LRP6: variants seen among roughly 807,000 people sequenced by gnomAD.
The protein encoded by LRP6 is low-density lipoprotein receptor-related protein 6.
In LRP6, 43 loss-of-function variants were observed where a neutral mutation model predicts 184.1. The ratio of observed to expected loss-of-function variants is 0.23; its 90% CI spans 0.18 to 0.30. The LOEUF is 0.30. LRP6 is among the 10% of genes least tolerant of loss of function. The pLI is 1.00. For synonymous variants in LRP6, 719 were observed against 684.9 expected (o/e 1.05, Z -0.78); for missense variants, 1,571 against 2,005.3 (o/e 0.78, Z 4.14).
chr12:12,214,290 A>G (rs1864284574), intron 2 of LRP6, among the ~76,000 whole-genome samples: 1 of 152,172 alleles, frequency 6.6e-6, no homozygotes, highest in Admixed American at 6.5e-5. Context: ...CTTTAATAAA[A>G]CATCTCAGTT....
intron 7 of LRP6, among the ~76,000 whole-genome samples, chr12:12,166,388 C>A (rs757306278): frequency 4.6e-5 from 7 of 152,136 alleles, no homozygotes; most frequent in Non-Finnish European, 1.0e-4. Flanking sequence ...CTATGTCCTG[C>A]ATTAGGGAGA....
intron 3 of LRP6, among the ~76,000 whole-genome samples, chr12:12,197,978 G>A (rs1375187066): frequency 6.6e-6 from 1 of 152,232 alleles, no homozygotes; most frequent in Non-Finnish European, 1.5e-5. Flanking sequence ...CCAAGAGGCA[G>A]AGGTTGCAGT....
chr12:12,127,046 C>T (rs1949682290), intron 19 of LRP6, 125 bp from the exon 20 acceptor site: 1 of 822,600 alleles, frequency 1.2e-6, no homozygotes, highest in Admixed American at 2.0e-5. Context: ...TTCATAAACA[C>T]TTTTCTTTTT....
At chr12:12,161,627 G>A (rs1020734896) in intron 10 of LRP6, among the ~76,000 whole-genome samples, 1 of 152,038 alleles carries the variant, frequency 6.6e-6, no homozygotes, top group Non-Finnish European at 1.5e-5. Flanking sequence ...CTTAGCTGCC[G>A]GCTTTAAAAA....
At chr12:12,133,902 T>G (rs935102397) in intron 17 of LRP6, among the ~76,000 whole-genome samples, 2 of 140,554 alleles carry the variant, frequency 1.4e-5, no homozygotes, top group Non-Finnish European at 3.0e-5. Flanking sequence ...TTAACCACTT[T>G]AAAGTGCATA....
Position 12,132,021 on chromosome 12 carries a change from A to G in LRP6, c.3770T>C (p.Phe1257Ser), listed in dbSNP as rs1184626125. Residue 1257 changes from phenylalanine (F) to serine (S), a missense_variant, in exon 18 of 23, where the codon TTC (phenylalanine) becomes TCC (serine). This residue lies in a region of LRP6 where 763 missense variants were observed against 859.5 expected (regional missense o/e 0.89). Transcript: ENST00000261349. ...AGGGATACAGTCAATTTCCCCCGTG[A>G]AACAAGTAAACTGCTGAGGAGAACA... ...PTCSPQQFTC[F>S]TGEIDCIPVA... The G allele has an allele frequency of 6.2e-6, 10 of 1,614,192 alleles. No individual in the cohort carries two copies. Among genetic ancestry groups the G allele is most frequent in the Non-Finnish European group, 7.6e-6 (9 of 1,180,022 alleles).
intron 18 of LRP6, among the ~76,000 whole-genome samples, chr12:12,131,157 G>A (rs1419888019): frequency 7.1e-6 from 1 of 140,330 alleles, no homozygotes; most frequent in African/African-American, 2.6e-5. Context: ...GCCCAGGCTG[G>A]AGTGCAGTGG....
rs139113962 is a variant in LRP6 at position 12,124,327 on chromosome 12, C to G, written c.4547+238G>C. 2.3e-3 allele frequency among the ~76,000 whole-genome samples: 356 copies of G among 152,196 alleles called. 1 individual carries two copies. Among genetic ancestry groups the G allele is most frequent in the African/African-American group, 8.3e-3 (345 of 41,514 alleles). ...GGCGGAGGTTGCAGTGAGCTGAGAT[C>G]ATGCCATTACACTCCAGCCTGGGCA... On this transcript the variant is annotated intron_variant, in intron 22 of 22. Coordinates refer to ENST00000261349, the MANE Select transcript of LRP6 (RefSeq NM_002336.3).
rs1254274680 is a variant in LRP6, at chr12:12,118,684, C to A, written c.*2442G>T. 6.6e-6 allele frequency: 1 copy of A among 152,136 alleles called. No homozygotes were observed. Among genetic ancestry groups the A allele is most frequent in the African/African-American group, 2.4e-5 (1 of 41,416 alleles). 9.4% of individuals were successfully genotyped at this position (152,136 alleles called of 1,614,324 possible). A position where few individuals can be genotyped will look rare whatever the true frequency, so the allele number is the denominator to read the frequency against. On this transcript the variant is annotated 3_prime_UTR_variant, in exon 23 of 23. Transcript: ENST00000261349. ...ATAAATCTTTCCAAATTTGACAATT[C>A]TCTCATTAAAAAGTACTCCCAGAAA... is the stretch of plus-strand genomic sequence containing the variant.
chr12:12,180,556 T>A (rs928879991), intron 6 of LRP6, among the ~76,000 whole-genome samples: 4 of 151,994 alleles, frequency 2.6e-5, no homozygotes, highest in Admixed American at 6.6e-5. Flanking sequence ...TGGACTATGA[T>A]CAGGGTGGCA....
At chr12:12,132,301 A>G (rs1259143320) in intron 17 of LRP6, among the ~76,000 whole-genome samples, 1 of 152,210 alleles carries the variant, frequency 6.6e-6, no homozygotes, top group Non-Finnish European at 1.5e-5. Flanking sequence ...ATATCTTGTA[A>G]TCCAAAACAG....
Position 12,126,910 on chromosome 12 carries a change from C to T in LRP6, c.4093G>A (p.Glu1365Lys). The T allele has an allele frequency of 1.2e-6, 2 of 1,613,852 alleles. No individual in the cohort carries two copies. The highest frequency in any genetic ancestry group is 1.7e-6 in the Non-Finnish European group (2 of 1,179,758). The stretch of plus-strand genomic sequence containing the variant: ...GTATTGGTGGCCTGTGGTGCTGGTT[C>T]TTCAGTCGGATCTACAATGAAGAAT... The part of the protein sequence containing the change: ...SDELDCYPTE[E>K]PAPQATNTVG... The change falls in exon 20 of 23, where the codon GAA becomes AAA. Residue 1365 changes from glutamate (E) to lysine (K), a missense_variant. Coordinates refer to ENST00000261349, the MANE Select transcript of LRP6 (RefSeq NM_002336.3).
intron 2 of LRP6, among the ~76,000 whole-genome samples, chr12:12,209,900 T>G (rs1864163993): frequency 6.6e-6 from 1 of 152,106 alleles, no homozygotes; most frequent in African/African-American, 2.4e-5. Context: ...TATAGAGAAG[T>G]GACACCCAAT....
chr12:12,250,069 T>A (rs912172328), intron 1 of LRP6, among the ~76,000 whole-genome samples: 1 of 152,226 alleles, frequency 6.6e-6, no homozygotes, highest in Non-Finnish European at 1.5e-5. Flanking sequence ...TAGACCTTCA[T>A]GACTTTAGGC....
intron 7 of LRP6, among the ~76,000 whole-genome samples, chr12:12,174,624 A>C (rs1049080954): frequency 5.9e-5 from 9 of 152,234 alleles, no homozygotes; most frequent in African/African-American, 2.2e-4. Flanking sequence ...TACAAAGGCT[A>C]AGATACCAGA....
intron 13 of LRP6, among the ~76,000 whole-genome samples, chr12:12,149,481 C>T (rs1950051599): frequency 6.6e-6 from 1 of 152,144 alleles, no homozygotes; most frequent in South Asian, 2.1e-4. Context: ...GTGGCTAAAA[C>T]CACACCCTAG....
intron 2 of LRP6, among the ~76,000 whole-genome samples, chr12:12,208,380 A>G (rs1443224044): frequency 3.3e-5 from 5 of 152,188 alleles, no homozygotes; most frequent in African/African-American, 4.8e-5. Flanking sequence ...AAAAATATGA[A>G]TTTTTTGCAT....
chr12:12,213,954 C>T (rs1864277012), intron 2 of LRP6, among the ~76,000 whole-genome samples: 2 of 152,080 alleles, frequency 1.3e-5, no homozygotes. Flanking sequence ...AAGTAAGACA[C>T]TTTATATAAA....
In LRP6 at chr12:12,147,510, G is replaced by A. The variant is rs143966208; in HGVS notation, c.3253C>T (p.Arg1085Trp). Reference sequence around the variant, plus strand: ...CGTTCTGTCCCATCCAAAGCAGCCCGTTCAATTTTAGGAGACCTTTCCTGA... The same window carrying A: ...CGTTCTGTCCCATCCAAAGCAGCCCATTCAATTTTAGGAGACCTTTCCTGA... ...NLQERSPKIE[R>W]AALDGTEREV... Residue 1085 changes from arginine (R) to tryptophan (W), a missense_variant, in exon 15 of 23, where the codon CGG becomes TGG. By Grantham distance (101) the Arg-to-Trp change is moderately radical (BLOSUM62 -3). This residue lies in a region of LRP6 where 763 missense variants were observed against 859.5 expected (regional missense o/e 0.89). Coordinates refer to ENST00000261349, the MANE Select transcript of LRP6 (RefSeq NM_002336.3). 25 of 1,613,754 alleles carry A rather than the reference G, an allele frequency of 1.5e-5. No homozygotes were observed. The highest frequency in any genetic ancestry group is 1.9e-5 in the Non-Finnish European group (22 of 1,179,958).
Sources: allele counts gnomAD v4.1 joint callset (sites outside exome capture counted in the v4.1 genomes callset), GRCh38; gene constraint gnomAD v4.1.1; regional missense constraint gnomAD v4.1.1; transcripts MANE v1.5; gene names NCBI Gene and HGNC (gene_info 2026-07-23, HGNC 2026-07-21).